XIRP2: variants seen among roughly 807,000 people sequenced by gnomAD.
The protein encoded by XIRP2 is xin actin binding repeat containing 2, also known as xin actin-binding repeat-containing protein 2.
In XIRP2, 236 loss-of-function variants were observed where a neutral mutation model predicts 277.0. That is an observed-to-expected ratio of 0.85 (90% CI 0.77 to 0.95). The LOEUF (loss-of-function observed/expected upper bound fraction) is 0.95. Among genes scored for constraint, XIRP2 ranks in the 40% least tolerant of loss-of-function variants. The pLI is 0.00. For missense variants in XIRP2, 4,640 were observed against 4,157.5 expected (o/e 1.12, Z -3.19); for synonymous variants, 1,490 against 1,416.5 (o/e 1.05, Z -1.17).
rs773522139 is a variant in XIRP2 at position 167,258,468 on chromosome 2, G to C, written c.*651G>C. On this transcript the variant is annotated 3_prime_UTR_variant, in exon 11 of 11. Transcript: ENST00000409195. ...GAAGGAAGGAAGAATGTGCAAGATA[G>C]GCCGAGTGAAGCTGAAGACACAAAG... is the stretch of plus-strand genomic sequence containing the variant. 6 of 1,613,270 alleles carry C rather than the reference G, an allele frequency of 3.7e-6. No homozygotes were observed. The highest frequency in any genetic ancestry group is 5.1e-6 in the Non-Finnish European group (6 of 1,179,668).
Position 167,247,753 on chromosome 2 carries a change from G to A in XIRP2, c.6361G>A (p.Val2121Ile), listed in dbSNP as rs181373166. 2.0e-4 allele frequency: 320 copies of A among 1,613,454 alleles called. 1 individual carries two copies. In the East Asian group the frequency reaches 4.9e-3, roughly 25 times the overall value. The change falls in exon 9 of 11, where the codon GTT becomes ATT. Residue 2121 changes from valine (V) to isoleucine (I), a missense_variant. Physicochemically the swap from Val to Ile is conservative, Grantham distance 29 (BLOSUM62 3). Coordinates refer to ENST00000409195, the MANE Select transcript of XIRP2 (RefSeq NM_152381.6). ...TTCCATCCAATCTGCTGGTAAAACC[G>A]TTGGAAAGCAACAGACATATGAACT... is the stretch of plus-strand genomic sequence containing the variant. Reference protein sequence around the residue: ...FNSIQSAGKTVGKQQTYELRN... With the variant: ...FNSIQSAGKTIGKQQTYELRN...
intron 3 of XIRP2, among the ~76,000 whole-genome samples, chr2:167,163,070 A>T (rs188449050): frequency 1.3e-5 from 2 of 152,096 alleles, no homozygotes; most frequent in Non-Finnish European, 2.9e-5. Context: ...TGATACATTC[A>T]TTATCTTCTT....
intron 4 of XIRP2, among the ~76,000 whole-genome samples, chr2:167,214,929 T>A (rs1694199384): frequency 6.6e-6 from 1 of 152,164 alleles, no homozygotes; most frequent in Non-Finnish European, 1.5e-5. Flanking sequence ...TAAGAATTGA[T>A]CTTTTTGTGA....
intron 2 of XIRP2, among the ~76,000 whole-genome samples, chr2:167,086,312 G>T (rs189314596): frequency 6.6e-6 from 1 of 152,140 alleles, no homozygotes; most frequent in Non-Finnish European, 1.5e-5. Flanking sequence ...TGAGAGATCC[G>T]CTGTTAGTCT....
At chr2:167,113,214 G>A (rs911025876) in intron 2 of XIRP2, among the ~76,000 whole-genome samples, 12 of 151,962 alleles carry the variant, frequency 7.9e-5, no homozygotes, top group Non-Finnish European at 1.3e-4. Context: ...TTAATTTTCC[G>A]CCTTGATGAT....
At position 167,013,068 on chromosome 2, in the gene XIRP2, AACTG is replaced by A. The variant is rs547798143; in HGVS notation, c.408+109181_408+109184del. ...TTTTGCATTGAATCATGTGACAACT[AACTG>A]ACCAGTTAAATTGTGTACCCAAACT... is the stretch of plus-strand genomic sequence containing the variant. On this transcript the variant is annotated intron_variant, in intron 2 of 10. Coordinates refer to ENST00000409195, the MANE Select transcript of XIRP2 (RefSeq NM_152381.6). 1.8e-3 allele frequency among the ~76,000 whole-genome samples: 268 copies of A among 151,566 alleles called. 1 individual carries two copies. The highest frequency in any genetic ancestry group is 3.3e-3 in the South Asian group (16 of 4,820).
intron 2 of XIRP2, among the ~76,000 whole-genome samples, chr2:167,127,893 GT>G (rs1371341862): frequency 2.0e-5 from 3 of 152,178 alleles, no homozygotes; most frequent in Non-Finnish European, 4.4e-5. Context: ...GCTTGTTGGG[GT>G]CCCCCTGGGG....
At chr2:166,981,176 G>A (rs1431979430) in intron 2 of XIRP2, among the ~76,000 whole-genome samples, 1 of 152,036 alleles carries the variant, frequency 6.6e-6, no homozygotes, top group Non-Finnish European at 1.5e-5. Context: ...GAACCTGGGG[G>A]TCTTACAACA....
chr2:167,023,013 C>A (rs987626988), intron 2 of XIRP2, among the ~76,000 whole-genome samples: 21 of 152,220 alleles, frequency 1.4e-4, no homozygotes, highest in African/African-American at 5.1e-4. Flanking sequence ...AGTTCTAGAT[C>A]CCTGAGGAAT....
intron 3 of XIRP2, among the ~76,000 whole-genome samples, chr2:167,162,113 AT>A (rs2105341482): frequency 6.6e-6 from 1 of 152,250 alleles, no homozygotes; most frequent in African/African-American, 2.4e-5. Context: ...CCTGAATTTC[AT>A]TCCCTGTATC....
intron 2 of XIRP2, among the ~76,000 whole-genome samples, chr2:167,078,496 C>A (rs1689634033): frequency 6.6e-6 from 1 of 152,066 alleles, no homozygotes; most frequent in Non-Finnish European, 1.5e-5. Flanking sequence ...GATGGGACTT[C>A]CAGTACTATT....
intron 3 of XIRP2, among the ~76,000 whole-genome samples, chr2:167,149,638 A>AAG: frequency 6.6e-6 from 1 of 152,130 alleles, no homozygotes; most frequent in Non-Finnish European, 1.5e-5. Flanking sequence ...TTTAAAAGCT[A>AAG]CATATAAAAA....
chr2:166,957,285 C>T (rs1344076016), intron 2 of XIRP2, among the ~76,000 whole-genome samples: 2 of 151,684 alleles, frequency 1.3e-5, no homozygotes, highest in African/African-American at 2.4e-5. Context: ...AAATGCCACT[C>T]TCCAAGATTT....
chr2:167,082,566 T>C (rs895439040), intron 2 of XIRP2, among the ~76,000 whole-genome samples: 18 of 152,146 alleles, frequency 1.2e-4, no homozygotes, highest in Non-Finnish European at 2.1e-4. Flanking sequence ...CCACCAACAG[T>C]GTAAAAGTGT....
chr2:167,158,971 G>T (rs528707371), intron 3 of XIRP2, among the ~76,000 whole-genome samples: 6 of 152,252 alleles, frequency 3.9e-5, no homozygotes, highest in Admixed American at 3.3e-4. Flanking sequence ...CCTCTGGGGG[G>T]TAGGAGGGGA....
At chr2:167,067,207 G>T (rs369166952) in intron 2 of XIRP2, among the ~76,000 whole-genome samples, 52 of 151,674 alleles carry the variant, frequency 3.4e-4, no homozygotes, top group African/African-American at 1.1e-3. Flanking sequence ...TTACTTGATG[G>T]TCTGTTTATT....
intron 2 of XIRP2, among the ~76,000 whole-genome samples, chr2:167,021,109 A>G (rs1031170690): frequency 6.6e-6 from 1 of 152,034 alleles, no homozygotes; most frequent in African/African-American, 2.4e-5. Flanking sequence ...GATGAGCTCT[A>G]ATTCGTATGC....
chr2:166,894,093 T>C (rs1408323415), intron 1 of XIRP2, among the ~76,000 whole-genome samples: 5 of 152,166 alleles, frequency 3.3e-5, no homozygotes, highest in Admixed American at 6.6e-5. Flanking sequence ...TTTTGTTTAA[T>C]GCAATGGGCC....
chr2:166,930,473 C>A (rs914995357), intron 2 of XIRP2, among the ~76,000 whole-genome samples: 3 of 152,102 alleles, frequency 2.0e-5, no homozygotes, highest in Non-Finnish European at 4.4e-5. Context: ...CTCTTTATAA[C>A]ATATATTTCA....
Sources: allele counts gnomAD v4.1 joint callset (sites outside exome capture counted in the v4.1 genomes callset), GRCh38; gene constraint gnomAD v4.1.1; transcripts MANE v1.5; gene names NCBI Gene and HGNC (gene_info 2026-07-23, HGNC 2026-07-21).